DLG4: variants seen among roughly 807,000 people sequenced by gnomAD.
The protein encoded by DLG4 is disks large homolog 4.
In DLG4, 7 loss-of-function variants were observed where a neutral mutation model predicts 93.8. The observed-to-expected ratio is 0.07, with a 90% confidence interval of 0.04 to 0.14. The LOEUF is 0.14. Among genes scored for constraint, DLG4 ranks in the 10% least tolerant of loss-of-function variants. DLG4 has a pLI of 1.00. For synonymous variants in DLG4, 341 were observed against 387.6 expected (o/e 0.88, Z 1.41); for missense variants, 545 against 992.9 (o/e 0.55, Z 6.06).
chr17:7,193,517 G>A lies in DLG4; in HGVS notation c.1659C>T (p.Ser553=), dbSNP rs372194148. The change falls in exon 16 of 20, where the codon TCC becomes TCT. Residue 553 remains serine (S), a synonymous_variant. Transcript: ENST00000399506. The surrounding 1 kb of genome is among the most constrained non-coding windows in gnomAD (Gnocchi z 6.7). ...AGGATCCAAACTTGTCGGGGAACTC[G>A]GAGAGAAGATCATCGTTGGCGCGGT... ...TKDRANDDLL[S]EFPDKFGSCV... 2.5e-4 allele frequency: 383 copies of A among 1,538,422 alleles called. No homozygotes were observed. Among genetic ancestry groups the A allele is most frequent in the Non-Finnish European group, 3.0e-4 (340 of 1,149,378 alleles).
rs771845084 is a variant in DLG4 at position 7,208,035 on chromosome 17, C to T, written c.96+139G>A. On this transcript the variant is annotated intron_variant, in intron 2 of 19. Coordinates refer to ENST00000399506, the MANE Select transcript of DLG4 (RefSeq NM_001321075.3). This position sits in a 1 kb window ranked among gnomAD's most constrained non-coding sequence, Gnocchi z 5.4. Reference sequence around the variant, plus strand: ...AGGGATTGCTGCAGCTCCGAGGCTCCGAGGGCCGCACTGGGGAGGGGGCCA... The same window carrying T: ...AGGGATTGCTGCAGCTCCGAGGCTCTGAGGGCCGCACTGGGGAGGGGGCCA... The T allele has an allele frequency of 5.5e-6, 7 of 1,276,990 alleles. No homozygotes were observed. The highest frequency in any genetic ancestry group is 7.0e-6 in the Non-Finnish European group (7 of 1,005,646). The allele number at this position is 1,276,990 out of a possible 1,614,324, so 79.1% of individuals were successfully genotyped here.
At chr17:7,201,119 C>A (rs2070111294) in intron 8 of DLG4, among the ~76,000 whole-genome samples, 1 of 152,188 alleles carries the variant, frequency 6.6e-6, no homozygotes, top group Non-Finnish European at 1.5e-5. Context: ...CCGCCTTGGC[C>A]TCCCAAAGTG....
intron 8 of DLG4, among the ~76,000 whole-genome samples, chr17:7,200,825 C>T (rs2070084299): frequency 6.7e-6 from 1 of 149,432 alleles, no homozygotes; most frequent in Non-Finnish European, 1.5e-5. Context: ...GGATTACAGG[C>T]ATGAGCCACC....
chr17:7,217,557 G>T lies in DLG4; in HGVS notation c.-410C>A. The T allele has an allele frequency of 7.9e-6, 7 of 891,294 alleles. No homozygotes were observed. The highest frequency in any genetic ancestry group is 9.3e-6 in the Non-Finnish European group (7 of 752,918). The allele number at this position is 891,294 out of a possible 1,614,324, so 55.2% of individuals were successfully genotyped here. ...GGGCTAGGGGCCGTGGCGGGGGAGTGGGGTGGGGGGGTTGGAAACGGCAGC... is the reference window on the plus strand; with the variant it reads ...GGGCTAGGGGCCGTGGCGGGGGAGTTGGGTGGGGGGGTTGGAAACGGCAGC... On this transcript the variant is annotated 5_prime_UTR_variant, in exon 1 of 20. Transcript: ENST00000399506.
intron 2 of DLG4, among the ~76,000 whole-genome samples, chr17:7,205,860 A>G (rs976015411): frequency 7.0e-6 from 1 of 142,414 alleles, no homozygotes; most frequent in Non-Finnish European, 1.5e-5. Flanking sequence ...CTCAATCCCC[A>G]TCCCCATCCC....
chr17:7,209,247 A>G (rs2070614466), intron 1 of DLG4, among the ~76,000 whole-genome samples: 1 of 152,204 alleles, frequency 6.6e-6, no homozygotes, highest in African/African-American at 2.4e-5. Context: ...TAGGGACAAC[A>G]GTAAAATGAG....
intron 2 of DLG4, among the ~76,000 whole-genome samples, chr17:7,207,183 G>C (rs1016279528): frequency 6.6e-6 from 1 of 151,948 alleles, no homozygotes; most frequent in African/African-American, 2.4e-5. Context: ...GAGGAAAAGA[G>C]GGAAGGTGAA....
At chr17:7,217,796 G>GCGATGA (rs1258394272), upstream of DLG4, 15 of 1,535,384 alleles carry the variant, frequency 9.8e-6, no homozygotes, top group Non-Finnish European at 1.3e-5. Flanking sequence ...CCAGCCACCA[G>GCGATGA]CGATGACAGC....
chr17:7,192,858 G>C, intron 17 of DLG4, 87 bp downstream of exon 17: 1 of 1,401,142 alleles, frequency 7.1e-7, no homozygotes, highest in Non-Finnish European at 9.6e-7. Context: ...AAGAGACAGA[G>C]AGAGAGAGAG....
intron 2 of DLG4, among the ~76,000 whole-genome samples, chr17:7,206,792 T>C (rs545855165): frequency 1.3e-5 from 2 of 152,134 alleles, no homozygotes; most frequent in South Asian, 2.1e-4. Context: ...CAGAACCTGC[T>C]TGCCCGCTCC....
At chr17:7,205,670 C>T (rs1281549260) in intron 2 of DLG4, among the ~76,000 whole-genome samples, 2 of 151,764 alleles carry the variant, frequency 1.3e-5, no homozygotes, top group African/African-American at 4.8e-5. Flanking sequence ...CAGTCACTGA[C>T]TGCCAAAATC....
chr17:7,212,513 C>T (rs551576157), intron 1 of DLG4, among the ~76,000 whole-genome samples: 1 of 152,280 alleles, frequency 6.6e-6, no homozygotes, highest in Admixed American at 6.5e-5. Context: ...TCCAAACCCC[C>T]GAATCTAATA....
Position 7,195,724 on chromosome 17 carries a change from G to A in DLG4, c.1301+496C>T, listed in dbSNP as rs1265475897. ...AAGTGGAGGGGTGACCCCCGGGGGC[G>A]GGAGAGAGGTGTGTTTTGGCAGAAA... On this transcript the variant is annotated intron_variant, in intron 11 of 19. Coordinates refer to ENST00000399506, the MANE Select transcript of DLG4 (RefSeq NM_001321075.3). The surrounding 1 kb of genome is among the most constrained non-coding windows in gnomAD (Gnocchi z 4.3). Among the ~76,000 whole-genome samples, 12 of 152,132 alleles carry A rather than the reference G, an allele frequency of 7.9e-5. No homozygotes were observed. The highest frequency in any genetic ancestry group is 1.4e-4 in the African/African-American group (6 of 41,430).
chr17:7,219,340 G>C, upstream of DLG4: 2 of 948,636 alleles, frequency 2.1e-6, no homozygotes, highest in Non-Finnish European at 2.5e-6. Context: ...AGACAGAAGG[G>C]AATGTTCAGG....
chr17:7,195,852 G>A lies in DLG4; in HGVS notation c.1301+368C>T, dbSNP rs780830257. Reference sequence around the variant, plus strand: ...CCACAGAGCTGCGGCCCACGTCTCCGGGACTGCCCACAGGGACGTGAAGGC... The same window carrying A: ...CCACAGAGCTGCGGCCCACGTCTCCAGGACTGCCCACAGGGACGTGAAGGC... On this transcript the variant is annotated intron_variant, in intron 11 of 19. Coordinates refer to ENST00000399506, the MANE Select transcript of DLG4 (RefSeq NM_001321075.3). This position sits in a 1 kb window ranked among gnomAD's most constrained non-coding sequence, Gnocchi z 4.3. Among the ~76,000 whole-genome samples, 68 of 152,204 alleles carry A rather than the reference G, an allele frequency of 4.5e-4. No homozygotes were observed. Among genetic ancestry groups the A allele is most frequent in the Admixed American group, 1.0e-3 (16 of 15,290 alleles).
Position 7,203,502 on chromosome 17 carries a change from T to C in DLG4, c.427A>G (p.Ile143Val). 6.2e-7 allele frequency: 1 copy of C among 1,613,786 alleles called. No individual in the cohort carries two copies. The highest frequency in any genetic ancestry group is 8.5e-7 in the Non-Finnish European group (1 of 1,179,720). Residue 143 changes from isoleucine (I) to valine (V), a missense_variant, in exon 6 of 20, where the codon ATC becomes GTC. By Grantham distance (29) the Ile-to-Val change is conservative. Coordinates refer to ENST00000399506, the MANE Select transcript of DLG4 (RefSeq NM_001321075.3). The surrounding 1 kb of genome is among the most constrained non-coding windows in gnomAD (Gnocchi z 7.2). The part of the protein sequence containing the change: ...AVEALKEAGS[I>V]VRLYVMRRKP... ...CGGCGCATGACATAGAGGCGAACGA[T>C]GGAGCCTGCCTCTTTGAGGGCTTCC... is the stretch of plus-strand genomic sequence containing the variant.
Position 7,217,591 on chromosome 17 carries a change from G to A in DLG4, c.-444C>T. ...GGGTTGGAAACGGCAGCGGCCGAGG[G>A]AGCCGTGGAGCCGAAGAGGGAAGGG... On this transcript the variant is annotated 5_prime_UTR_variant, in exon 1 of 20. Coordinates refer to ENST00000399506, the MANE Select transcript of DLG4 (RefSeq NM_001321075.3). 2.2e-6 allele frequency: 3 copies of A among 1,386,834 alleles called. No homozygotes were observed. The highest frequency in any genetic ancestry group is 3.1e-5 in the African/African-American group (2 of 64,272). The allele number at this position is 1,386,834 out of a possible 1,614,324, so 85.9% of individuals were successfully genotyped here.
chr17:7,197,402 CT>C (rs989688241), intron 8 of DLG4, among the ~76,000 whole-genome samples: 29 of 152,066 alleles, frequency 1.9e-4, no homozygotes, highest in African/African-American at 5.3e-4. Context: ...TCTTCTCCCT[CT>C]TTTTTCCCCC....
At chr17:7,213,720 C>T in intron 1 of DLG4, 1 of 468,120 alleles carries the variant, frequency 2.1e-6, no homozygotes, top group Non-Finnish European at 4.5e-6. Flanking sequence ...TCTTAAAACC[C>T]AGTGAGGGGT....
Sources: allele counts gnomAD v4.1 joint callset (sites outside exome capture counted in the v4.1 genomes callset), GRCh38; gene constraint gnomAD v4.1.1; non-coding constraint Gnocchi (gnomAD v3.1); transcripts MANE v1.5; gene names NCBI Gene and HGNC (gene_info 2026-07-23, HGNC 2026-07-21).